The following DLC1 variants were observed in gnomAD, a reference collection of about 807,000 sequenced individuals.
DLC1 encodes DLC1 Rho GTPase activating protein.
A neutral mutation model predicts 140.3 loss-of-function variants in DLC1; 54 were observed. The ratio of observed to expected loss-of-function variants is 0.38; its 90% CI spans 0.31 to 0.48. The LOEUF (loss-of-function observed/expected upper bound fraction) is 0.48, where lower values mean the gene tolerates loss of function less well. DLC1 is among the 20% of genes least tolerant of loss of function. DLC1 has a pLI of 0.96. For synonymous variants in DLC1, 986 were observed against 728.1 expected (o/e 1.35, Z -5.70); for missense variants, 2,536 against 1,907.0 (o/e 1.33, Z -6.14).
In DLC1 at chr8:13,579,613, T is replaced by TTATATTATATATTTATAATATATTTAA. The variant is rs1309864404; in HGVS notation, c.-126+24897_-126+24923dup. ...TATTATATATTTAATATATTATATT[T>TTATATTATATATTTATAATATATTTAA]TATATTATATATTTATAATATATTT... On this transcript the variant is annotated intron_variant, in intron 1 of 1. Coordinates refer to the DLC1 transcript ENST00000631382. Among the ~76,000 whole-genome samples, 497 of 136,148 alleles carry TTATATTATATATTTATAATATATTTAA rather than the reference T, an allele frequency of 3.7e-3. 4 individuals carry two copies. The highest frequency in any genetic ancestry group is 6.7e-3 in the Non-Finnish European group (433 of 64,958). 89.3% of individuals were successfully genotyped at this position (136,148 alleles called of 152,430 possible). A position where few individuals can be genotyped will look rare whatever the true frequency, so the allele number is the denominator to read the frequency against.
intron 2 of DLC1, among the ~76,000 whole-genome samples, chr8:13,435,520 G>A (rs289619): frequency 6.6e-6 from 1 of 151,814 alleles, no homozygotes; most frequent in Non-Finnish European, 1.5e-5. Context: ...CTCCATGTTG[G>A]TCAGGCTGGT....
chr8:13,324,511 G>A (rs1167890340), intron 4 of DLC1, among the ~76,000 whole-genome samples: 1 of 133,922 alleles, frequency 7.5e-6, no homozygotes, highest in Admixed American at 8.9e-5. Flanking sequence ...AGCTTGCAGT[G>A]AGCCCAGATC....
At chr8:13,552,512 A>T (rs1166506205) in intron 1 of DLC1, among the ~76,000 whole-genome samples, 1 of 151,306 alleles carries the variant, frequency 6.6e-6, no homozygotes, top group South Asian at 2.1e-4. Flanking sequence ...CTTATGATAG[A>T]AGTATCAGCT....
upstream of DLC1, among the ~76,000 whole-genome samples, chr8:13,515,135 C>T (rs1205440251): frequency 6.6e-6 from 1 of 152,206 alleles, no homozygotes; most frequent in Non-Finnish European, 1.5e-5. Flanking sequence ...GTAGTTTTCT[C>T]TCTATCCACA....
Position 13,184,294 on chromosome 8 carries a change from G to GT in DLC1, c.1349-68638dup, listed in dbSNP as rs201408617. Reference sequence around the variant, plus strand: ...TCTGGATTCATTGATTTTTTGAAGGGTTTTTTGTGTCTCTATCTCCTTTAG... The same window carrying GT: ...TCTGGATTCATTGATTTTTTGAAGGGTTTTTTTGTGTCTCTATCTCCTTTAG... On this transcript the variant is annotated intron_variant, in intron 5 of 17. Coordinates refer to ENST00000276297, the MANE Select transcript of DLC1 (RefSeq NM_182643.3). Among the ~76,000 whole-genome samples the GT allele has an allele frequency of 9.6e-3, 1,460 of 152,134 alleles. 28 individuals carry two copies. The highest frequency in any genetic ancestry group is 0.033 in the African/African-American group (1,367 of 41,514).
chr8:13,217,087 C>G (rs1266912733), intron 5 of DLC1, among the ~76,000 whole-genome samples: 1 of 152,078 alleles, frequency 6.6e-6, no homozygotes, highest in Non-Finnish European at 1.5e-5. Context: ...TCTTAATACT[C>G]CTGGTTAATT....
intron 2 of DLC1, among the ~76,000 whole-genome samples, chr8:13,451,076 A>C (rs1325902926): frequency 1.3e-5 from 2 of 149,928 alleles, no homozygotes; most frequent in Non-Finnish European, 3.0e-5. Flanking sequence ...AAAGAAAAAA[A>C]GAAAAAGGAT....
At chr8:13,129,840 CT>C (rs963425768) in intron 5 of DLC1, among the ~76,000 whole-genome samples, 10 of 152,180 alleles carry the variant, frequency 6.6e-5, no homozygotes, top group East Asian at 3.9e-4. Context: ...GTTATTTTTA[CT>C]TTTGTAAAAG....
rs1180391327 is a variant in DLC1 at position 13,423,289 on chromosome 8, T to C, written c.1024-21670A>G. 3.9e-5 allele frequency among the ~76,000 whole-genome samples: 6 copies of C among 152,128 alleles called. No individual in the cohort carries two copies. In the East Asian group the frequency reaches 5.8e-4, roughly 15 times the overall value. ...TGAAAGTGGAAAAATAAAATGAACA[T>C]TTTCTGCTCTTCCTGTGATCCCTAC... On this transcript the variant is annotated intron_variant, in intron 2 of 17. Coordinates refer to ENST00000276297, the MANE Select transcript of DLC1 (RefSeq NM_182643.3).
At chr8:13,512,525 C>A (rs568561010) in intron 1 of DLC1, among the ~76,000 whole-genome samples, 30 of 152,194 alleles carry the variant, frequency 2.0e-4, no homozygotes, top group African/African-American at 7.0e-4. Flanking sequence ...TAAGGGATTG[C>A]AAACATGCTG....
At chr8:13,225,481 A>G (rs1828752105) in intron 5 of DLC1, among the ~76,000 whole-genome samples, 1 of 152,134 alleles carries the variant, frequency 6.6e-6, no homozygotes, top group African/African-American at 2.4e-5. Flanking sequence ...GGCATTAAGA[A>G]CTTTAAGTTA....
intron 5 of DLC1, among the ~76,000 whole-genome samples, chr8:13,264,015 G>C (rs532266660): frequency 4.0e-5 from 6 of 150,756 alleles, no homozygotes; most frequent in African/African-American, 1.5e-4. Flanking sequence ...AAGTAAATTA[G>C]GGCATATTTG....
chr8:13,391,604 A>G (rs1836764448), intron 4 of DLC1, among the ~76,000 whole-genome samples: 1 of 152,232 alleles, frequency 6.6e-6, no homozygotes, highest in Admixed American at 6.5e-5. Flanking sequence ...ACTTTTACAA[A>G]AAATGGTTAC....
At chr8:13,567,634 C>G (rs774995146) in intron 1 of DLC1, 1 of 1,551,644 alleles carries the variant, frequency 6.4e-7, no homozygotes, top group South Asian at 1.2e-5. Flanking sequence ...GTCTGCCTTT[C>G]TGAAACAAAA....
intron 4 of DLC1, among the ~76,000 whole-genome samples, chr8:13,325,577 C>G (rs1260555499): frequency 1.3e-5 from 2 of 152,164 alleles, no homozygotes; most frequent in Non-Finnish European, 2.9e-5. Flanking sequence ...GAGACATAAA[C>G]AAAGCATGCT....
intron 5 of DLC1, among the ~76,000 whole-genome samples, chr8:13,172,629 T>G (rs147525385): frequency 1.1e-4 from 16 of 152,376 alleles, no homozygotes; most frequent in African/African-American, 3.4e-4. Context: ...GGATGGGGAT[T>G]TGAACTTGCC....
rs968290056 is a variant in DLC1, at chr8:13,363,942, G to A, written c.1314+29611C>T. On this transcript the variant is annotated intron_variant, in intron 4 of 17. Transcript: ENST00000276297. Reference sequence around the variant, plus strand: ...TACACACTCCCTTAACTCTTTCTACGCTCTAAGAAGCTCTTTGAAATGTGA... The same window carrying A: ...TACACACTCCCTTAACTCTTTCTACACTCTAAGAAGCTCTTTGAAATGTGA... Among the ~76,000 whole-genome samples the A allele has an allele frequency of 8.5e-5, 13 of 152,220 alleles. No individual in the cohort carries two copies. The South Asian group carries it at 1.2e-3, about 15-fold the overall frequency.
intron 1 of DLC1, among the ~76,000 whole-genome samples, chr8:13,552,037 G>C (rs927589963): frequency 7.2e-6 from 1 of 138,836 alleles, no homozygotes; most frequent in Admixed American, 7.5e-5. Context: ...ATATGTGTGT[G>C]TGTATATATA....
chr8:13,591,945 T>C (rs1030837048), intron 1 of DLC1, among the ~76,000 whole-genome samples: 3 of 152,112 alleles, frequency 2.0e-5, no homozygotes, highest in African/African-American at 7.2e-5. Flanking sequence ...TTGGATATTC[T>C]TGTGGAGTTT....
Sources: allele counts gnomAD v4.1 joint callset (sites outside exome capture counted in the v4.1 genomes callset), GRCh38; gene constraint gnomAD v4.1.1; transcripts MANE v1.5; gene names NCBI Gene and HGNC (gene_info 2026-07-23, HGNC 2026-07-21).